THSD4: variants seen among roughly 807,000 people sequenced by gnomAD.
THSD4 encodes thrombospondin type-1 domain-containing protein 4.
A neutral mutation model predicts 119.0 loss-of-function variants in THSD4; 69 were observed. That is an observed-to-expected ratio of 0.58 (90% CI 0.48 to 0.71). THSD4 has a LOEUF of 0.71. Among genes scored for constraint, THSD4 ranks in the 30% least tolerant of loss-of-function variants. The pLI is 0.00. For synonymous variants in THSD4, 524 were observed against 540.4 expected (o/e 0.97, Z 0.42); for missense variants, 1,393 against 1,391.1 (o/e 1.00, Z -0.02).
intron 16 of THSD4, 33 bp downstream of exon 16, chr15:71,765,232 T>G: frequency 6.3e-7 from 1 of 1,597,594 alleles, no homozygotes; most frequent in Non-Finnish European, 8.5e-7. Context: ...GAGGTTGCAT[T>G]GGCACAACGT....
chr15:71,782,598 T>C lies in THSD4; in HGVS notation c.*5224T>C, dbSNP rs914474113. The C allele has an allele frequency of 1.3e-5, 2 of 152,228 alleles. No individual in the cohort carries two copies. Among genetic ancestry groups the C allele is most frequent in the Admixed American group, 1.3e-4 (2 of 15,284 alleles). 9.4% of individuals were successfully genotyped at this position (152,228 alleles called of 1,614,324 possible). On this transcript the variant is annotated 3_prime_UTR_variant, in exon 18 of 18. Coordinates refer to ENST00000261862, the MANE Select transcript of THSD4 (RefSeq NM_024817.3). ...TGCGATCCACATTTGTGTGAAAGCA[T>C]GTGATCATACTAACCCAGCCTCCTG...
At chr15:71,499,117 T>C (rs1398784630) in intron 7 of THSD4, among the ~76,000 whole-genome samples, 1 of 152,166 alleles carries the variant, frequency 6.6e-6, no homozygotes, top group Non-Finnish European at 1.5e-5. Context: ...AGATGGGTCC[T>C]ACCTTTCCTA....
chr15:71,190,979 G>A (rs2043666692), intron 3 of THSD4, among the ~76,000 whole-genome samples: 1 of 152,080 alleles, frequency 6.6e-6, no homozygotes, highest in Non-Finnish European at 1.5e-5. Context: ...ATTGCTCTTT[G>A]TGGAAGTCAC....
intron 7 of THSD4, among the ~76,000 whole-genome samples, chr15:71,507,418 T>TGCACTAGTTTTAGG (rs2048206915): frequency 6.6e-6 from 1 of 151,936 alleles, no homozygotes; most frequent in Non-Finnish European, 1.5e-5. Context: ...TCTCATAAAC[T>TGCACTAGTTTTAGG]GCACTATTTT....
At chr15:71,474,372 C>A (rs2004547) in intron 7 of THSD4, among the ~76,000 whole-genome samples, 29,765 of 151,782 alleles carry the variant, frequency 0.2, 3,274 homozygotes, top group South Asian at 0.37. Flanking sequence ...GGCGCCTGCC[C>A]CTGTGCCTGG....
At chr15:71,701,390 A>T (rs2052285559) in intron 8 of THSD4, among the ~76,000 whole-genome samples, 1 of 152,144 alleles carries the variant, frequency 6.6e-6, no homozygotes, top group Admixed American at 6.5e-5. Flanking sequence ...GCTGGGGGAG[A>T]AGTTTGTGAC....
intron 3 of THSD4, among the ~76,000 whole-genome samples, chr15:71,213,070 A>G (rs2043900674): frequency 6.6e-6 from 1 of 152,160 alleles, no homozygotes; most frequent in African/African-American, 2.4e-5. Flanking sequence ...AACAACAGAC[A>G]TTTACTCTCT....
intron 7 of THSD4, among the ~76,000 whole-genome samples, chr15:71,563,231 T>C (rs1429058597): frequency 1.3e-5 from 2 of 152,114 alleles, no homozygotes; most frequent in South Asian, 2.1e-4. Flanking sequence ...AGCTGTATCA[T>C]GACTGATGAG....
intron 7 of THSD4, among the ~76,000 whole-genome samples, chr15:71,585,343 A>G (rs1218010345): frequency 1.3e-5 from 2 of 152,226 alleles, no homozygotes; most frequent in African/African-American, 4.8e-5. Context: ...TAGCAGATAT[A>G]GTATTCTTGG....
At chr15:71,453,165 AT>A (rs2047289442) in intron 7 of THSD4, among the ~76,000 whole-genome samples, 1 of 152,128 alleles carries the variant, frequency 6.6e-6, no homozygotes, top group African/African-American at 2.4e-5. Flanking sequence ...AGCTTCTGTG[AT>A]TTAGCCACCC....
chr15:71,137,502 G>A (rs1264077514), intron 1 of THSD4, among the ~76,000 whole-genome samples: 1 of 152,050 alleles, frequency 6.6e-6, no homozygotes, highest in Admixed American at 6.5e-5. Flanking sequence ...CCCTTATTAT[G>A]CGTGATGAAT....
chr15:71,257,881 A>G (rs1422470550), intron 6 of THSD4, among the ~76,000 whole-genome samples: 2 of 152,128 alleles, frequency 1.3e-5, no homozygotes, highest in African/African-American at 4.8e-5. Context: ...GGAAGGATGT[A>G]CAGAGGAAAC....
chr15:71,312,125 T>C (rs2045118976), intron 6 of THSD4, among the ~76,000 whole-genome samples: 1 of 152,184 alleles, frequency 6.6e-6, no homozygotes, highest in African/African-American at 2.4e-5. Context: ...CTCAAATTCA[T>C]GTTGAGTCCT....
rs188379332 is a variant in THSD4 at position 71,779,347 on chromosome 15, C to G, written c.*1973C>G. On this transcript the variant is annotated 3_prime_UTR_variant, in exon 18 of 18. Coordinates refer to ENST00000261862, the MANE Select transcript of THSD4 (RefSeq NM_024817.3). ...GCTGTTCAGGGCCTGCTCTTTTCCA[C>G]TCACCACTTGTTTTGCTGCTTGTCA... is the stretch of plus-strand genomic sequence containing the variant. 4.7e-4 allele frequency: 71 copies of G among 152,388 alleles called. No homozygotes were observed. Among genetic ancestry groups the G allele is most frequent in the African/African-American group, 1.7e-3 (71 of 41,578 alleles). 9.4% of individuals were successfully genotyped at this position (152,388 alleles called of 1,614,324 possible).
At chr15:71,339,344 T>C (rs1213583372) in intron 6 of THSD4, among the ~76,000 whole-genome samples, 1 of 152,102 alleles carries the variant, frequency 6.6e-6, no homozygotes, top group East Asian at 1.9e-4. Flanking sequence ...AACCCCCAAG[T>C]TTAATGACTC....
chr15:71,765,779 GCA>G (rs1365906460), intron 16 of THSD4, among the ~76,000 whole-genome samples: 77 of 134,816 alleles, frequency 5.7e-4, no homozygotes, highest in East Asian at 3.3e-3. Context: ...AAACACACAC[GCA>G]CACACTCTCT....
chr15:71,608,237 AATATATAT>A (rs1555431559), intron 7 of THSD4, among the ~76,000 whole-genome samples: 29 of 111,544 alleles, frequency 2.6e-4, no homozygotes, highest in African/African-American at 3.6e-4. Context: ...AAAAAAAAAA[AATATATAT>A]ATATACACAC....
chr15:71,543,741 A>G (rs1160247912), intron 7 of THSD4, among the ~76,000 whole-genome samples: 1 of 152,156 alleles, frequency 6.6e-6, no homozygotes, highest in Non-Finnish European at 1.5e-5. Context: ...AGAATCACAG[A>G]TGTGGGCCGG....
chr15:71,195,940 C>T (rs1449497394), intron 3 of THSD4, among the ~76,000 whole-genome samples: 1 of 152,150 alleles, frequency 6.6e-6, no homozygotes, highest in Non-Finnish European at 1.5e-5. Context: ...CCACTGCATC[C>T]ACCCATTTGT....
Sources: allele counts gnomAD v4.1 joint callset (sites outside exome capture counted in the v4.1 genomes callset), GRCh38; gene constraint gnomAD v4.1.1; transcripts MANE v1.5; gene names NCBI Gene and HGNC (gene_info 2026-07-23, HGNC 2026-07-21).